The following PCMTD1 variants were observed in gnomAD, a reference collection of about 807,000 sequenced individuals.
The protein encoded by PCMTD1 is protein-L-isoaspartate O-methyltransferase domain-containing protein 1.
Under a neutral mutation model 37.6 loss-of-function variants are expected in PCMTD1, and 12 were observed. The observed-to-expected ratio is 0.32, with a 90% confidence interval of 0.20 to 0.52. The LOEUF (loss-of-function observed/expected upper bound fraction) is 0.52, where lower values mean the gene tolerates loss of function less well. Among genes scored for constraint, PCMTD1 ranks in the 20% least tolerant of loss-of-function variants. PCMTD1 has a pLI of 0.97. For synonymous variants in PCMTD1, 117 were observed against 135.8 expected (o/e 0.86, Z 0.96); for missense variants, 235 against 421.3 (o/e 0.56, Z 3.87).
chr8:51,821,715 T>TG (rs2037851015), intron 5 of PCMTD1, among the ~76,000 whole-genome samples: 1 of 151,480 alleles, frequency 6.6e-6, no homozygotes, highest in Admixed American at 6.6e-5. Flanking sequence ...GCCAATGATA[T>TG]GATAGAAAGT....
At chr8:51,866,437 CCAAT>C (rs2038556719) in intron 1 of PCMTD1, among the ~76,000 whole-genome samples, 1 of 151,778 alleles carries the variant, frequency 6.6e-6, no homozygotes, top group Non-Finnish European at 1.5e-5. Flanking sequence ...GACACAATGA[CCAAT>C]CAAAGTAGAT....
At chr8:51,896,230 G>A (rs561568774) in intron 1 of PCMTD1, 3 of 152,250 alleles carry the variant, frequency 2.0e-5, no homozygotes, top group African/African-American at 4.8e-5. Flanking sequence ...ACAGGCGTGA[G>A]CCACTGCCCC....
At chr8:51,837,657 G>A (rs1349770689) in intron 3 of PCMTD1, among the ~76,000 whole-genome samples, 2 of 152,112 alleles carry the variant, frequency 1.3e-5, no homozygotes, top group Admixed American at 6.6e-5. Context: ...TCTGTAAAGC[G>A]ATTATGGATT....
At chr8:51,854,497 T>C (rs916028612) in intron 2 of PCMTD1, among the ~76,000 whole-genome samples, 1 of 152,234 alleles carries the variant, frequency 6.6e-6, no homozygotes, top group African/African-American at 2.4e-5. Context: ...GTTAAGAGTT[T>C]CATGAATTTC....
intron 1 of PCMTD1, among the ~76,000 whole-genome samples, chr8:51,886,203 C>T (rs1246732308): frequency 1.3e-5 from 2 of 152,162 alleles, no homozygotes; most frequent in Non-Finnish European, 2.9e-5. Flanking sequence ...TTTTCCTTTC[C>T]CCTGTTCGAC....
At chr8:51,899,101 G>A (rs2039059641), upstream of PCMTD1, 2 of 1,466,196 alleles carry the variant, frequency 1.4e-6, no homozygotes, top group Non-Finnish European at 1.8e-6. Context: ...GAGCCGCCGG[G>A]GTCCGGGCAT....
rs751549179 is a variant in PCMTD1 at position 51,831,441 on chromosome 8, T to TA, written c.706+2dup. On this transcript the variant is annotated splice_region_variant and intron_variant, in intron 5 of 5. Transcript: ENST00000522514. Reference sequence around the variant, plus strand: ...CAATCAGAAAATATGAAGAGCTACTTACGGAGTCCCACAGAATCTGGTTTG... The same window carrying TA: ...CAATCAGAAAATATGAAGAGCTACTTAACGGAGTCCCACAGAATCTGGTTTG... 6.2e-7 allele frequency: 1 copy of TA among 1,612,324 alleles called. No homozygotes were observed. Among genetic ancestry groups the TA allele is most frequent in the Non-Finnish European group, 8.5e-7 (1 of 1,179,416 alleles).
chr8:51,894,081 A>G (rs895019712), intron 1 of PCMTD1, among the ~76,000 whole-genome samples: 1 of 152,210 alleles, frequency 6.6e-6, no homozygotes, highest in African/African-American at 2.4e-5. Context: ...CTACTGTACT[A>G]CACAGACTGG....
intron 5 of PCMTD1, chr8:51,827,021 G>A (rs2037930818): frequency 4.1e-6 from 4 of 965,142 alleles, no homozygotes; most frequent in Admixed American, 6.1e-5. Context: ...TGGGATTTTT[G>A]GAGTCGCGTT....
chr8:51,859,597 G>A (rs2038442253), intron 2 of PCMTD1, among the ~76,000 whole-genome samples: 1 of 151,936 alleles, frequency 6.6e-6, no homozygotes, highest in Admixed American at 6.6e-5. Flanking sequence ...TGTGTAGGGA[G>A]GAAATTTCAG....
chr8:51,868,047 T>C (rs554404289), intron 1 of PCMTD1, among the ~76,000 whole-genome samples: 6 of 152,226 alleles, frequency 3.9e-5, no homozygotes, highest in Admixed American at 2.0e-4. Context: ...GATTTAATCA[T>C]TCCACACTGT....
In PCMTD1 at chr8:51,855,784, C is replaced by T. The variant is rs950767783; in HGVS notation, c.307+5061G>A. ...CACCATTCTCCTGCCCTCAGCCTCC[C>T]GAGTAGCTGCAACTACAGGCGCCTG... On this transcript the variant is annotated intron_variant, in intron 2 of 5. Coordinates refer to ENST00000522514, the MANE Select transcript of PCMTD1 (RefSeq NM_052937.4). Among the ~76,000 whole-genome samples the T allele has an allele frequency of 1.3e-4, 19 of 151,992 alleles. 1 individual carries two copies. In the South Asian group the frequency reaches 3.7e-3, roughly 30 times the overall value.
At chr8:51,898,432 G>A (rs528906530) in intron 1 of PCMTD1, among the ~76,000 whole-genome samples, 30 of 152,158 alleles carry the variant, frequency 2.0e-4, no homozygotes, top group African/African-American at 6.5e-4. Context: ...CAGCCCCCGA[G>A]ACTTCCCCGA....
intron 3 of PCMTD1, chr8:51,839,372 A>G (rs746447253): frequency 1.2e-6 from 1 of 808,634 alleles, no homozygotes; most frequent in Non-Finnish European, 1.5e-6. Context: ...TATGAAAAAA[A>G]TATAGAGCAC....
chr8:51,849,529 G>A (rs2038273726), intron 2 of PCMTD1: 1 of 151,986 alleles, frequency 6.6e-6, no homozygotes. Context: ...GAAACATACA[G>A]CAAAGTCAAA....
chr8:51,825,198 T>C (rs915553840), intron 5 of PCMTD1, among the ~76,000 whole-genome samples: 9 of 152,284 alleles, frequency 5.9e-5, no homozygotes, highest in Admixed American at 2.6e-4. Context: ...ACAAATTGTA[T>C]CTAATTAAAC....
intron 5 of PCMTD1, 27 bp from the exon 6 acceptor site, chr8:51,820,745 AG>A: frequency 1.9e-6 from 3 of 1,550,800 alleles, no homozygotes; most frequent in Non-Finnish European, 2.6e-6. Flanking sequence ...AACGCAAGAA[AG>A]AAAATATTAA....
intron 1 of PCMTD1, among the ~76,000 whole-genome samples, chr8:51,870,986 T>A (rs1234181330): frequency 1.3e-5 from 2 of 152,190 alleles, no homozygotes; most frequent in African/African-American, 2.4e-5. Context: ...AATAATTACA[T>A]CATAAATTTG....
chr8:51,890,111 GCA>G (rs2038917262), intron 1 of PCMTD1, among the ~76,000 whole-genome samples: 3 of 102,572 alleles, frequency 2.9e-5, no homozygotes, highest in Non-Finnish European at 8.2e-5. Flanking sequence ...CAAATCAACT[GCA>G]TGAATGGTTA....
Sources: allele counts gnomAD v4.1 joint callset (sites outside exome capture counted in the v4.1 genomes callset), GRCh38; gene constraint gnomAD v4.1.1; transcripts MANE v1.5; gene names NCBI Gene and HGNC (gene_info 2026-07-23, HGNC 2026-07-21).